Variants in TULP4 observed in about 807,000 individuals in gnomAD.
TULP4 encodes the protein tubby-related protein 4.
A neutral mutation model predicts 129.0 loss-of-function variants in TULP4; 16 were observed. The observed-to-expected ratio is 0.12, with a 90% CI of 0.08 to 0.19. TULP4 has a LOEUF of 0.19. Ranked by LOEUF, TULP4 falls within the 10% of genes least tolerant of loss-of-function variation. TULP4 has a pLI of 1.00. For synonymous variants in TULP4, 998 were observed against 854.0 expected (o/e 1.17, Z -2.94); for missense variants, 1,842 against 2,059.1 (o/e 0.89, Z 2.04).
chr6:158,502,816 C>G lies in TULP4; in HGVS notation c.3153C>G (p.Ala1051=). ...SGTGPSSQPG[A]SLAHTASASP... ...CAGGGCCCAGCTCACAGCCCGGAGCCTCCCTGGCCCATACCGCCAGCGCCT... is the reference window on the plus strand; with the variant it reads ...CAGGGCCCAGCTCACAGCCCGGAGCGTCCCTGGCCCATACCGCCAGCGCCT... Residue 1051 remains alanine, a synonymous_variant, in exon 13 of 14, where the codon GCC becomes GCG. Coordinates refer to ENST00000367097, the MANE Select transcript of TULP4 (RefSeq NM_020245.5). 1 of 1,612,464 alleles carries G rather than the reference C, an allele frequency of 6.2e-7. No homozygotes were observed. Among genetic ancestry groups the G allele is most frequent in the Non-Finnish European group, 8.5e-7 (1 of 1,179,864 alleles).
At chr6:158,422,348 A>G (rs1294534445) in intron 2 of TULP4, among the ~76,000 whole-genome samples, 2 of 152,230 alleles carry the variant, frequency 1.3e-5, no homozygotes, top group East Asian at 3.8e-4. Context: ...AGGTAGTTCA[A>G]TGGGGGAAAG....
upstream of TULP4, among the ~76,000 whole-genome samples, chr6:158,281,602 T>C (rs1778754529): frequency 6.6e-6 from 1 of 152,090 alleles, no homozygotes; most frequent in South Asian, 2.1e-4. Context: ...TTAGAACCAA[T>C]CCTTAGCTTG....
rs146887415 is a variant in TULP4 at position 158,472,555 on chromosome 6, C to T, written c.1027-7196C>T. 2.3e-3 allele frequency among the ~76,000 whole-genome samples: 345 copies of T among 152,192 alleles called. 1 individual carries two copies. The highest frequency in any genetic ancestry group is 7.7e-3 in the African/African-American group (319 of 41,526). On this transcript the variant is annotated intron_variant, in intron 6 of 13. Transcript: ENST00000367097. ...CCAGTTTAACTCTTGTCTAATGATTCGAAAATCACATGTGATCTATGCTGT... is the reference window on the plus strand; with the variant it reads ...CCAGTTTAACTCTTGTCTAATGATTTGAAAATCACATGTGATCTATGCTGT...
upstream of TULP4, among the ~76,000 whole-genome samples, chr6:158,279,959 A>C (rs1778719924): frequency 6.6e-6 from 1 of 152,178 alleles, no homozygotes; most frequent in African/African-American, 2.4e-5. Flanking sequence ...GCGCGGCTAA[A>C]CGTGTGCCAC....
At chr6:158,317,133 CA>C (rs1224280655) in intron 1 of TULP4, among the ~76,000 whole-genome samples, 1 of 152,114 alleles carries the variant, frequency 6.6e-6, no homozygotes, top group East Asian at 1.9e-4. Context: ...CTGGCTGTCT[CA>C]CTGCTGAAAC....
intron 1 of TULP4, among the ~76,000 whole-genome samples, chr6:158,396,517 C>T (rs766897508): frequency 1.3e-5 from 2 of 152,090 alleles, no homozygotes; most frequent in African/African-American, 4.8e-5. Flanking sequence ...AATATATATA[C>T]AAGGAATTAA....
chr6:158,400,436 A>G lies in TULP4; in HGVS notation c.253-12629A>G, dbSNP rs138989996. Among the ~76,000 whole-genome samples, 85 of 152,294 alleles carry G rather than the reference A, an allele frequency of 5.6e-4. 1 individual carries two copies. Among genetic ancestry groups the G allele is most frequent in the African/African-American group, 1.8e-3 (73 of 41,550 alleles). ...CTTGTCAATCAGATGGATTCATTCTATTATACAGTAACATCTCAAGGTGTA... is the reference window on the plus strand; with the variant it reads ...CTTGTCAATCAGATGGATTCATTCTGTTATACAGTAACATCTCAAGGTGTA... On this transcript the variant is annotated intron_variant, in intron 1 of 13. Transcript: ENST00000367097.
At chr6:158,252,064 C>A (rs1008797243) in intron 1 of TULP4, among the ~76,000 whole-genome samples, 1 of 152,152 alleles carries the variant, frequency 6.6e-6, no homozygotes, top group Non-Finnish European at 1.5e-5. Flanking sequence ...TGAGTTTGGA[C>A]GGTTTTGAAA....
chr6:158,493,162 G>A lies in TULP4; in HGVS notation c.1632-411G>A, dbSNP rs977274375. Among the ~76,000 whole-genome samples the A allele has an allele frequency of 3.3e-5, 5 of 152,246 alleles. No homozygotes were observed. Among genetic ancestry groups the A allele is most frequent in the South Asian group, 2.1e-4 (1 of 4,824 alleles). ...TCTTTGAGTTCCTTACAAATGGATC[G>A]CTGGATCTCATTTCAGTGTATACTA... On this transcript the variant is annotated intron_variant, in intron 9 of 13. Transcript: ENST00000367097. The surrounding 1 kb of genome is among the most constrained non-coding windows in gnomAD (Gnocchi z 4.4).
At chr6:158,296,644 G>A (rs889519414) in intron 1 of TULP4, among the ~76,000 whole-genome samples, 2 of 151,640 alleles carry the variant, frequency 1.3e-5, no homozygotes, top group South Asian at 2.1e-4. Context: ...ATATTTCAAC[G>A]TAGGTTCTTT....
chr6:158,332,467 C>T (rs1779933943), intron 1 of TULP4, among the ~76,000 whole-genome samples: 1 of 151,942 alleles, frequency 6.6e-6, no homozygotes, highest in East Asian at 1.9e-4. Flanking sequence ...GAGGCTGTCC[C>T]TCCATGGTAG....
intron 1 of TULP4, among the ~76,000 whole-genome samples, chr6:158,398,188 C>T (rs1386840674): frequency 6.6e-6 from 1 of 152,172 alleles, no homozygotes; most frequent in Admixed American, 6.5e-5. Context: ...GCCTCAGGTA[C>T]CTGGTGCCCC....
At chr6:158,461,296 A>G (rs185923089) in intron 5 of TULP4, among the ~76,000 whole-genome samples, 279 of 152,172 alleles carry the variant, frequency 1.8e-3, no homozygotes, top group African/African-American at 6.2e-3. Flanking sequence ...CCGTAGTCCC[A>G]GCTACTCGGG....
intron 1 of TULP4, among the ~76,000 whole-genome samples, chr6:158,333,465 T>G (rs1181323936): frequency 6.6e-6 from 1 of 152,198 alleles, no homozygotes; most frequent in Admixed American, 6.5e-5. Flanking sequence ...AGAAATAAAT[T>G]TCTGTTGTTT....
chr6:158,432,719 G>A (rs1409618688), intron 3 of TULP4, among the ~76,000 whole-genome samples: 1 of 152,106 alleles, frequency 6.6e-6, no homozygotes, highest in Non-Finnish European at 1.5e-5. Context: ...AAATTAGCTG[G>A]GCATAGTGGC....
intron 1 of TULP4, among the ~76,000 whole-genome samples, chr6:158,331,716 C>CGT (rs1562523069): frequency 6.0e-5 from 3 of 50,180 alleles, no homozygotes; most frequent in East Asian, 5.5e-4. Context: ...CACACACACA[C>CGT]ACACACACAC....
chr6:158,354,126 A>G (rs1780587836), intron 1 of TULP4, among the ~76,000 whole-genome samples: 1 of 152,178 alleles, frequency 6.6e-6, no homozygotes, highest in African/African-American at 2.4e-5. Flanking sequence ...CTTCAGAGTA[A>G]TTGTGTGACC....
rs528809047 is a variant in TULP4 at position 158,356,687 on chromosome 6, A to G, written c.252+42419A>G. ...TATACATTGAGGGGCTCTGGTAGAA[A>G]AAGCCAGATGGTAGATAGGGTAATT... On this transcript the variant is annotated intron_variant, in intron 1 of 13. Coordinates refer to ENST00000367097, the MANE Select transcript of TULP4 (RefSeq NM_020245.5). Among the ~76,000 whole-genome samples the G allele has an allele frequency of 2.0e-5, 3 of 152,252 alleles. No homozygotes were observed. In the South Asian group the frequency reaches 6.2e-4, roughly 32 times the overall value.
At chr6:158,450,958 C>G (rs546230124) in intron 4 of TULP4, among the ~76,000 whole-genome samples, 2 of 151,838 alleles carry the variant, frequency 1.3e-5, no homozygotes, top group Non-Finnish European at 2.9e-5. Flanking sequence ...CCAGCTACTC[C>G]GGAGGCTGAG....
Sources: allele counts gnomAD v4.1 joint callset (sites outside exome capture counted in the v4.1 genomes callset), GRCh38; gene constraint gnomAD v4.1.1; non-coding constraint Gnocchi (gnomAD v3.1); transcripts MANE v1.5; gene names NCBI Gene and HGNC (gene_info 2026-07-23, HGNC 2026-07-21).